Variants in EYS observed in about 807,000 individuals in gnomAD.
EYS encodes the protein EGF-like photoreceptor maintenance factor, also known as protein eyes shut homolog.
In EYS, 250 loss-of-function variants were observed where a neutral mutation model predicts 282.1. That is an observed-to-expected ratio of 0.89 (90% CI 0.80 to 0.98). The LOEUF is 0.98. Ranked by LOEUF, EYS falls within the 50% of genes least tolerant of loss-of-function variation. EYS has a pLI of 0.00. For missense variants in EYS, 4,016 were observed against 3,709.0 expected, an observed-to-expected ratio of 1.08 and a Z score of -2.15; for synonymous variants, 1,355 against 1,282.9, an observed-to-expected ratio of 1.06 and a Z score of -1.20.
chr6:64,081,612 T>G (rs1400853392), intron 32 of EYS, among the ~76,000 whole-genome samples: 1 of 152,194 alleles, frequency 6.6e-6, no homozygotes, highest in Non-Finnish European at 1.5e-5. Flanking sequence ...TGCTGTCAAA[T>G]TCATATGCTT....
chr6:65,576,210 A>C (rs1159501622), intron 2 of EYS, among the ~76,000 whole-genome samples: 4 of 152,058 alleles, frequency 2.6e-5, no homozygotes. Flanking sequence ...TCAACAGCAC[A>C]CTAAAAGGAT....
intron 33 of EYS, among the ~76,000 whole-genome samples, chr6:64,011,705 T>A (rs914930546): frequency 8.6e-5 from 13 of 152,036 alleles, no homozygotes; most frequent in African/African-American, 2.4e-5. Context: ...CAAACCATAA[T>A]GAAATTAAAT....
rs540104601 is a variant in EYS, at chr6:65,002,730, A to G, written c.2138-5027T>C. On this transcript the variant is annotated intron_variant, in intron 13 of 42. Coordinates refer to ENST00000503581, the MANE Select transcript of EYS (RefSeq NM_001142800.2). ...TTGTGGGAAGTCAGGGACCCCAAAC[A>G]GAGGGACCGGCTGAAGCCATGGCAG... is the stretch of plus-strand genomic sequence containing the variant. Among the ~76,000 whole-genome samples the G allele has an allele frequency of 1.1e-4, 17 of 148,056 alleles. 1 individual carries two copies. The South Asian group carries it at 3.7e-3, about 32-fold the overall frequency.
At chr6:64,086,801 T>A (rs769823697) in intron 31 of EYS, among the ~76,000 whole-genome samples, 4 of 152,164 alleles carry the variant, frequency 2.6e-5, no homozygotes, top group Non-Finnish European at 5.9e-5. Context: ...AAATAGAATG[T>A]CCTAAGCATA....
intron 30 of EYS, among the ~76,000 whole-genome samples, chr6:64,280,639 T>C (rs1293831871): frequency 3.3e-5 from 5 of 152,122 alleles, no homozygotes; most frequent in Admixed American, 6.6e-5. Flanking sequence ...TGAATATGAA[T>C]CTCTAGTTAT....
intron 2 of EYS, among the ~76,000 whole-genome samples, chr6:65,515,332 C>G (rs537088844): frequency 6.6e-6 from 1 of 152,160 alleles, no homozygotes; most frequent in Admixed American, 6.5e-5. Context: ...AACACTTTTA[C>G]ACTGTTGGTG....
chr6:63,777,822 C>T (rs1016238917), intron 40 of EYS, 184 bp downstream of exon 40: 3 of 575,094 alleles, frequency 5.2e-6, no homozygotes, highest in African/African-American at 3.7e-5. Context: ...GGCATAAATG[C>T]TGTGCTGATC....
intron 5 of EYS, among the ~76,000 whole-genome samples, chr6:65,436,089 T>G (rs1768065905): frequency 6.6e-6 from 1 of 152,096 alleles, no homozygotes; most frequent in African/African-American, 2.4e-5. Context: ...TATTTTAAAA[T>G]ACATATAACC....
chr6:64,631,220 A>G (rs1275100988), intron 22 of EYS: 1 of 152,200 alleles, frequency 6.6e-6, no homozygotes, highest in Non-Finnish European at 1.5e-5. Context: ...ACCCAACATC[A>G]TGCCTCCATT....
chr6:63,862,421 T>TA (rs1269949549), intron 36 of EYS, among the ~76,000 whole-genome samples: 6 of 148,248 alleles, frequency 4.0e-5, no homozygotes, highest in Admixed American at 2.0e-4. Flanking sequence ...GAATCTTTTT[T>TA]TAAAAAAAAA....
intron 31 of EYS, among the ~76,000 whole-genome samples, chr6:64,229,804 G>A (rs537120369): frequency 3.3e-5 from 5 of 152,138 alleles, no homozygotes; most frequent in South Asian, 2.1e-4. Context: ...ACATTTTAGC[G>A]CTTAAATGGG....
intron 29 of EYS, among the ~76,000 whole-genome samples, chr6:64,371,402 G>A (rs1288432047): frequency 6.6e-6 from 1 of 150,560 alleles, no homozygotes; most frequent in Admixed American, 6.6e-5. Flanking sequence ...TGGGTTTTTA[G>A]AAATTAATTG....
chr6:64,006,504 G>T (rs1213605360), intron 33 of EYS, among the ~76,000 whole-genome samples: 1 of 152,030 alleles, frequency 6.6e-6, no homozygotes, highest in African/African-American at 2.4e-5. Context: ...GATTGCTCTG[G>T]CTAAGACTTC....
At chr6:64,158,407 A>C (rs868075540) in intron 31 of EYS, among the ~76,000 whole-genome samples, 3 of 152,226 alleles carry the variant, frequency 2.0e-5, no homozygotes, top group African/African-American at 7.2e-5. Flanking sequence ...GAGAAAAAAA[A>C]CCTACAAAGA....
chr6:64,216,733 G>A (rs1765939728), intron 31 of EYS, among the ~76,000 whole-genome samples: 1 of 152,164 alleles, frequency 6.6e-6, no homozygotes, highest in East Asian at 1.9e-4. Flanking sequence ...ATCCTTGCTG[G>A]TGAAGCATGC....
At chr6:65,434,082 A>G (rs2150386494) in intron 5 of EYS, among the ~76,000 whole-genome samples, 1 of 152,308 alleles carries the variant, frequency 6.6e-6, no homozygotes, top group Middle Eastern at 3.4e-3. Context: ...TCTTCAGTGA[A>G]CATTTTAAAA....
At chr6:64,598,270 C>T (rs561375048) in intron 24 of EYS, among the ~76,000 whole-genome samples, 4 of 152,306 alleles carry the variant, frequency 2.6e-5, no homozygotes, top group South Asian at 4.1e-4. Flanking sequence ...ACCATCCTTG[C>T]TAACACGGTG....
chr6:64,443,025 C>T (rs977434729), intron 26 of EYS, among the ~76,000 whole-genome samples: 1 of 152,130 alleles, frequency 6.6e-6, no homozygotes, highest in Non-Finnish European at 1.5e-5. Flanking sequence ...TTGCACTGTG[C>T]ACCTGGAAAA....
intron 36 of EYS, among the ~76,000 whole-genome samples, chr6:63,818,581 T>A (rs1242160787): frequency 6.6e-6 from 1 of 152,166 alleles, no homozygotes; most frequent in African/African-American, 2.4e-5. Flanking sequence ...CTAACCTTCC[T>A]CTGTGTGGTA....
Sources: gnomAD v4.1 joint callset for allele counts (sites outside exome capture counted in the v4.1 genomes callset) on GRCh38, gnomAD v4.1.1 for gene constraint, MANE v1.5 for transcripts, NCBI Gene and HGNC (gene_info 2026-07-23, HGNC 2026-07-21) for gene names.